Variants in CNTNAP5 observed in about 807,000 individuals in gnomAD.
CNTNAP5 encodes the protein contactin-associated protein-like 5.
Under a neutral mutation model 150.2 loss-of-function variants are expected in CNTNAP5, and 72 were observed. The observed-to-expected ratio is 0.48, with a 90% CI of 0.40 to 0.58. CNTNAP5 has a LOEUF of 0.58. CNTNAP5 is among the 20% of genes least tolerant of loss of function. The pLI, the probability that CNTNAP5 is intolerant of heterozygous loss-of-function variation, is 0.00. For missense variants in CNTNAP5, 1,636 were observed against 1,626.2 expected (o/e 1.01, Z -0.10); for synonymous variants, 672 against 619.8 (o/e 1.08, Z -1.25).
At chr2:124,719,758 C>G (rs780055207) in intron 13 of CNTNAP5, among the ~76,000 whole-genome samples, 7 of 152,048 alleles carry the variant, frequency 4.6e-5, no homozygotes, top group Non-Finnish European at 8.8e-5. Context: ...TAAGAAACAT[C>G]TTTATAAGAG....
At chr2:124,488,432 C>T (rs1693942370) in intron 7 of CNTNAP5, among the ~76,000 whole-genome samples, 1 of 152,142 alleles carries the variant, frequency 6.6e-6, no homozygotes, top group South Asian at 2.1e-4. Context: ...GTAACTTCCC[C>T]AAGATACGTA....
At chr2:124,797,855 C>A (rs1681879851) in intron 18 of CNTNAP5, among the ~76,000 whole-genome samples, 1 of 152,190 alleles carries the variant, frequency 6.6e-6, no homozygotes. Flanking sequence ...CCTGAGCTTT[C>A]TTTTCTGGCT....
chr2:124,712,965 G>A (rs1156679044), intron 13 of CNTNAP5, among the ~76,000 whole-genome samples: 1 of 152,020 alleles, frequency 6.6e-6, no homozygotes, highest in East Asian at 1.9e-4. Context: ...TCTGTTCTCA[G>A]GACCTAATCA....
intron 1 of CNTNAP5, among the ~76,000 whole-genome samples, chr2:124,137,789 C>T (rs1036568397): frequency 7.2e-5 from 11 of 151,874 alleles, no homozygotes; most frequent in Non-Finnish European, 1.3e-4. Flanking sequence ...GTGGAGAAGT[C>T]GGTGGTCGCT....
At chr2:124,486,069 C>T (rs527924759) in intron 7 of CNTNAP5, among the ~76,000 whole-genome samples, 1 of 152,112 alleles carries the variant, frequency 6.6e-6, no homozygotes, top group African/African-American at 2.4e-5. Flanking sequence ...TGCCCATCCA[C>T]CAAATGGAAA....
chr2:124,206,301 C>A (rs1367326857), intron 1 of CNTNAP5, among the ~76,000 whole-genome samples: 1 of 152,142 alleles, frequency 6.6e-6, no homozygotes, highest in African/African-American at 2.4e-5. Flanking sequence ...TTGCCTGTCC[C>A]AGTGGCCTAT....
intron 21 of CNTNAP5, among the ~76,000 whole-genome samples, chr2:124,883,450 A>T (rs555697149): frequency 1.3e-5 from 2 of 152,022 alleles, no homozygotes; most frequent in Non-Finnish European, 2.9e-5. Context: ...GGCTTTGGTC[A>T]TGTGTGTGGG....
At chr2:124,444,455 T>C (rs976206335) in intron 5 of CNTNAP5, among the ~76,000 whole-genome samples, 5 of 151,826 alleles carry the variant, frequency 3.3e-5, no homozygotes, top group Middle Eastern at 3.2e-3. Flanking sequence ...ATTAGCCTCA[T>C]GTGGTGGCCT....
intron 1 of CNTNAP5, among the ~76,000 whole-genome samples, chr2:124,127,014 C>T (rs777506527): frequency 2.0e-5 from 3 of 152,202 alleles, no homozygotes; most frequent in Non-Finnish European, 4.4e-5. Context: ...CAGGGATGCC[C>T]TCTCTCACCA....
At chr2:124,411,365 C>G (rs1224524271) in intron 3 of CNTNAP5, among the ~76,000 whole-genome samples, 1 of 152,080 alleles carries the variant, frequency 6.6e-6, no homozygotes, top group Non-Finnish European at 1.5e-5. Context: ...GGTATCCTCC[C>G]TAACTCATTT....
intron 21 of CNTNAP5, among the ~76,000 whole-genome samples, chr2:124,897,938 T>C (rs937734370): frequency 1.2e-3 from 5 of 4,198 alleles, no homozygotes; most frequent in Admixed American, 5.3e-3. Flanking sequence ...AAATGCCAAG[T>C]GTGTGTGTGT....
intron 11 of CNTNAP5, among the ~76,000 whole-genome samples, chr2:124,566,300 G>A (rs1040625266): frequency 6.6e-6 from 1 of 152,164 alleles, no homozygotes; most frequent in Admixed American, 6.5e-5. Context: ...TCCCGTGACT[G>A]TTAAAGCTTA....
chr2:124,770,789 TAAC>T (rs1434169588), intron 16 of CNTNAP5, among the ~76,000 whole-genome samples: 1 of 152,216 alleles, frequency 6.6e-6, no homozygotes, highest in Non-Finnish European at 1.5e-5. Context: ...ACAGTAATAA[TAAC>T]AACAGCCATC....
chr2:124,165,498 A>G (rs1380158393), intron 1 of CNTNAP5, among the ~76,000 whole-genome samples: 2 of 152,148 alleles, frequency 1.3e-5, no homozygotes, highest in Admixed American at 1.3e-4. Flanking sequence ...TCAAATAAGA[A>G]AACATATGTG....
At chr2:124,371,108 A>T (rs548971994) in intron 3 of CNTNAP5, among the ~76,000 whole-genome samples, 2 of 152,270 alleles carry the variant, frequency 1.3e-5, no homozygotes, top group South Asian at 4.1e-4. Context: ...TACCTCTCAC[A>T]TAAGTGTCTA....
At chr2:124,622,113 AC>A in intron 12 of CNTNAP5, among the ~76,000 whole-genome samples, 1 of 149,520 alleles carries the variant, frequency 6.7e-6, no homozygotes, top group Non-Finnish European at 1.5e-5. Flanking sequence ...ATGCTCTCCC[AC>A]CCCCGAACCC....
intron 4 of CNTNAP5, among the ~76,000 whole-genome samples, chr2:124,419,937 T>TTTCTTTCC (rs1194520744): frequency 7.8e-6 from 1 of 129,016 alleles, no homozygotes; most frequent in African/African-American, 3.1e-5. Context: ...TCTTTCTTTC[T>TTTCTTTCC]TTCTTTCTTT....
intron 13 of CNTNAP5, among the ~76,000 whole-genome samples, chr2:124,728,845 A>G (rs10184800): frequency 0.25 from 38,654 of 152,002 alleles, 5,559 homozygotes; most frequent in Non-Finnish European, 0.34. Context: ...TCATAATCCA[A>G]TTTGTAAACT....
At chr2:124,069,968 A>G (rs1682259344) in intron 1 of CNTNAP5, among the ~76,000 whole-genome samples, 1 of 152,198 alleles carries the variant, frequency 6.6e-6, no homozygotes, top group African/African-American at 2.4e-5. Flanking sequence ...CAAAAATACT[A>G]ATGGCAACAA....
Sources: allele counts gnomAD v4.1 joint callset (sites outside exome capture counted in the v4.1 genomes callset), GRCh38; gene constraint gnomAD v4.1.1; transcripts MANE v1.5; gene names NCBI Gene and HGNC (gene_info 2026-07-23, HGNC 2026-07-21).